CAMTA1: variants seen among roughly 807,000 people sequenced by gnomAD.
CAMTA1 encodes calmodulin binding transcription activator 1.
In CAMTA1, 27 loss-of-function variants were observed where a neutral mutation model predicts 170.9. The observed-to-expected ratio is 0.16, with a 90% CI of 0.12 to 0.22. The LOEUF is 0.22. CAMTA1 is among the 10% of genes least tolerant of loss of function. CAMTA1 has a pLI of 1.00. For synonymous variants in CAMTA1, 833 were observed against 891.5 expected (o/e 0.93, Z 1.17); for missense variants, 1,619 against 2,217.2 (o/e 0.73, Z 5.42).
rs1457615109 is a variant in CAMTA1, at chr1:7,065,316, A to G, written c.235-25988A>G. On this transcript the variant is annotated intron_variant, in intron 3 of 22. Transcript: ENST00000303635. The surrounding 1 kb of genome is among the most constrained non-coding windows in gnomAD (Gnocchi z 5.2). ...ATGGACAGCCCATGAGGTTTCCCAG[A>G]GGGCCTGGCCACTGAGAAGCTGAGA... Among the ~76,000 whole-genome samples the G allele has an allele frequency of 2.0e-5, 3 of 152,196 alleles. No individual in the cohort carries two copies. Among genetic ancestry groups the G allele is most frequent in the Admixed American group, 6.5e-5 (1 of 15,280 alleles).
chr1:7,369,795 A>G (rs554337311), intron 5 of CAMTA1, among the ~76,000 whole-genome samples: 1 of 151,554 alleles, frequency 6.6e-6, no homozygotes, highest in African/African-American at 2.4e-5. Flanking sequence ...ACATTGTTAG[A>G]CTCTCGAGCA....
chr1:7,051,338 C>G (rs1465390757), intron 3 of CAMTA1, among the ~76,000 whole-genome samples: 1 of 152,166 alleles, frequency 6.6e-6, no homozygotes, highest in Non-Finnish European at 1.5e-5. Flanking sequence ...AGTGACCGTT[C>G]AGCCCCAAGA....
chr1:7,554,383 T>C (rs1278906411), intron 6 of CAMTA1, among the ~76,000 whole-genome samples: 1 of 152,160 alleles, frequency 6.6e-6, no homozygotes, highest in Non-Finnish European at 1.5e-5. Flanking sequence ...TTCCTCGTCT[T>C]AGTTCTAAAC....
chr1:7,505,887 C>T (rs2094098418), intron 6 of CAMTA1, among the ~76,000 whole-genome samples: 1 of 152,116 alleles, frequency 6.6e-6, no homozygotes, highest in African/African-American at 2.4e-5. Context: ...GACCTGTGGG[C>T]GCTTCACCTG....
At chr1:7,196,398 A>G (rs1194398903) in intron 4 of CAMTA1, among the ~76,000 whole-genome samples, 1 of 152,164 alleles carries the variant, frequency 6.6e-6, no homozygotes, top group African/African-American at 2.4e-5. Context: ...CTAATACAGT[A>G]TGTGTGAAGA....
At chr1:7,171,961 G>A (rs1649704784) in intron 4 of CAMTA1, among the ~76,000 whole-genome samples, 1 of 152,184 alleles carries the variant, frequency 6.6e-6, no homozygotes, top group Admixed American at 6.5e-5. Context: ...TCTTCGTGGT[G>A]GAATAATTGT....
intron 3 of CAMTA1, among the ~76,000 whole-genome samples, chr1:7,073,233 G>A (rs1218015321): frequency 6.6e-6 from 1 of 152,138 alleles, no homozygotes; most frequent in African/African-American, 2.4e-5. Context: ...CTGAGGTGGG[G>A]GGAAGCTACA....
intron 6 of CAMTA1, among the ~76,000 whole-genome samples, chr1:7,497,898 A>C (rs1280146720): frequency 2.0e-5 from 3 of 152,194 alleles, no homozygotes; most frequent in Non-Finnish European, 4.4e-5. Context: ...AGATGCAAGC[A>C]GCCCACCCAC....
At position 7,738,322 on chromosome 1, in the gene CAMTA1, G is replaced by A. The variant is rs2096785686; in HGVS notation, c.4022G>A (p.Gly1341Glu). 4 of 1,614,138 alleles carry A rather than the reference G, an allele frequency of 2.5e-6. No individual in the cohort carries two copies. The highest frequency in any genetic ancestry group is 3.4e-6 in the Non-Finnish European group (4 of 1,180,036). The change falls in exon 16 of 23, where the codon GGG (glycine) becomes GAG (glutamate). Residue 1341 changes from glycine to glutamate, a missense_variant. Physicochemically the swap from Gly to Glu is moderately conservative, Grantham distance 98. Around this residue, in one of 8 missense-constraint regions of CAMTA1, gnomAD observed 370 missense variants for 429.4 expected, o/e 0.86. Coordinates refer to ENST00000303635, the MANE Select transcript of CAMTA1 (RefSeq NM_015215.4). This position sits in a 1 kb window ranked among gnomAD's most constrained non-coding sequence, Gnocchi z 4.9. ...GTACAGGTGACTGGAAATCCGAAGG[G>A]GACCAGTGTAGGAAAGGAGGCAGCA... ...STVQVTGNPKGTSVGKEAAPS... is the reference protein window; with the variant it reads ...STVQVTGNPKETSVGKEAAPS...
At chr1:6,991,540 A>G (rs1696366609) in intron 3 of CAMTA1, among the ~76,000 whole-genome samples, 1 of 152,110 alleles carries the variant, frequency 6.6e-6, no homozygotes, top group South Asian at 2.1e-4. Context: ...ATCTGCTCCA[A>G]TCTTTTGTCC....
intron 6 of CAMTA1, among the ~76,000 whole-genome samples, chr1:7,587,937 C>T (rs2095324780): frequency 6.6e-6 from 1 of 152,116 alleles, no homozygotes; most frequent in African/African-American, 2.4e-5. Context: ...CCCCAGAACC[C>T]GCCTCCCTCG....
At chr1:7,084,635 C>T (rs1469495932) in intron 3 of CAMTA1, among the ~76,000 whole-genome samples, 1 of 152,222 alleles carries the variant, frequency 6.6e-6, no homozygotes, top group African/African-American at 2.4e-5. Context: ...TATGGAACAG[C>T]TTCCTTCACA....
chr1:7,506,881 ACT>A (rs2094123070), intron 6 of CAMTA1, among the ~76,000 whole-genome samples: 1 of 151,896 alleles, frequency 6.6e-6, no homozygotes, highest in African/African-American at 2.4e-5. Context: ...TCATACTAAC[ACT>A]CAAAATTCAC....
chr1:7,013,704 C>A (rs1031066740), intron 3 of CAMTA1, among the ~76,000 whole-genome samples: 2 of 152,108 alleles, frequency 1.3e-5, no homozygotes, highest in African/African-American at 2.4e-5. Context: ...TCACCGCCCC[C>A]CTGGTGTGGA....
At position 7,438,710 on chromosome 1, in the gene CAMTA1, C is replaced by T. The variant is rs2092425854; in HGVS notation, c.439-29120C>T. On this transcript the variant is annotated intron_variant, in intron 5 of 22. Coordinates refer to ENST00000303635, the MANE Select transcript of CAMTA1 (RefSeq NM_015215.4). ...GTGGAAGCAGGCAGAGGGGGTCCCG[C>T]ACACAGGAATCAGACAGGTTTTAGA... Among the ~76,000 whole-genome samples, 3 of 152,198 alleles carry T rather than the reference C, an allele frequency of 2.0e-5. No individual in the cohort carries two copies. In the South Asian group the frequency reaches 6.2e-4, roughly 32 times the overall value.
chr1:7,732,296 T>C lies in CAMTA1; in HGVS notation c.2915-152T>C, dbSNP rs1577262446. The C allele has an allele frequency of 3.3e-5, 21 of 631,038 alleles. No homozygotes were observed. In the South Asian group the frequency reaches 3.6e-4, roughly 11 times the overall value. 39.1% of individuals were successfully genotyped at this position (631,038 alleles called of 1,614,324 possible). A position where few individuals can be genotyped will look rare whatever the true frequency, so the allele number is the denominator to read the frequency against. On this transcript the variant is annotated intron_variant, in intron 11 of 22. Coordinates refer to ENST00000303635, the MANE Select transcript of CAMTA1 (RefSeq NM_015215.4). This position sits in a 1 kb window ranked among gnomAD's most constrained non-coding sequence, Gnocchi z 4.1. ...GTGTGAGGTGGTGACAGATTCACGA[T>C]CGTGCTGGGGAACTCTGGCTGGCGG...
intron 7 of CAMTA1, among the ~76,000 whole-genome samples, chr1:7,649,244 G>A (rs1206422933): frequency 6.6e-6 from 1 of 152,236 alleles, no homozygotes. Flanking sequence ...TTGCATAAGA[G>A]GAAGCACATC....
intron 5 of CAMTA1, among the ~76,000 whole-genome samples, chr1:7,267,093 A>G (rs1669053687): frequency 6.6e-6 from 1 of 152,168 alleles, no homozygotes; most frequent in Non-Finnish European, 1.5e-5. Context: ...TGGCTTCTTC[A>G]TCTATGGAGT....
chr1:7,350,008 G>A (rs552336915), intron 5 of CAMTA1, among the ~76,000 whole-genome samples: 65 of 152,250 alleles, frequency 4.3e-4, no homozygotes, highest in African/African-American at 1.5e-3. Context: ...GGCTCTCTGT[G>A]TGAGTATCTT....
Sources: gnomAD v4.1 joint callset for allele counts (sites outside exome capture counted in the v4.1 genomes callset) on GRCh38, gnomAD v4.1.1 for gene constraint, gnomAD v4.1.1 regional missense constraint, Gnocchi (gnomAD v3.1) non-coding constraint, MANE v1.5 for transcripts, NCBI Gene and HGNC (gene_info 2026-07-23, HGNC 2026-07-21) for gene names.